ERVH48-1: variants seen among roughly 807,000 people sequenced by gnomAD.
The protein encoded by ERVH48-1 is endogenous retrovirus group 48 member 1, envelope.
ERVH48-1 carries 4 observed loss-of-function variants against 2.4 expected under a neutral mutation model. That is an observed-to-expected ratio of 1.68 (90% CI 0.83 to 3.84). The LOEUF (loss-of-function observed/expected upper bound fraction) is 3.84, where lower values mean the gene tolerates loss of function less well. Ranked by LOEUF, ERVH48-1 falls within the 30% of genes most tolerant of loss-of-function variation. The probability of loss-of-function intolerance (pLI) is 0.01; values close to 1 mark genes in which losing one functional copy is unlikely to be tolerated. For synonymous variants in ERVH48-1, 32 were observed against 15.5 expected (o/e 2.06, Z -2.49); for missense variants, 97 against 43.4 (o/e 2.23, Z -3.47).
At position 42,918,960 on chromosome 21, in the gene ERVH48-1, T is replaced by A. The variant is rs141435072; in HGVS notation, c.47A>T (p.Lys16Ile). The A allele has an allele frequency of 3.0e-5, 25 of 823,816 alleles. 1 individual carries two copies. Among genetic ancestry groups the A allele is most frequent in the African/African-American group, 2.6e-4 (15 of 56,638 alleles). The allele number at this position is 823,816 out of a possible 1,614,324, so 51.0% of individuals were successfully genotyped here. The change falls in exon 2 of 2, where the codon AAA becomes ATA. Residue 16 changes from lysine to isoleucine, a missense_variant. Lys to Ile is a moderately radical substitution (Grantham distance 102, BLOSUM62 -3). Transcript: ENST00000447535. ...PTTFYTSLPT[K>I]SLNMGISLTT... The stretch of plus-strand genomic sequence containing the variant: ...GAGGGATATTCCCATATTAAGACTT[T>A]TGGTTGGAAGAGAGGTATAGAAAGT...
intron 1 of ERVH48-1, 170 bp from the exon 2 acceptor site, chr21:42,919,461 A>G (rs1405451827): frequency 1.3e-5 from 2 of 155,552 alleles, no homozygotes; most frequent in African/African-American, 4.8e-5. Context: ...AAGTTCGGCC[A>G]TACATGATCT....
In ERVH48-1 at chr21:42,917,802, A is replaced by G. The variant is rs2097006; in HGVS notation, c.*722T>C. ...ACCATAGTATTCAATGATCCGTTGC[A>G]GAGGCCACTCGTCCTCTCACAATCT... On this transcript the variant is annotated 3_prime_UTR_variant, in exon 2 of 2. Transcript: ENST00000447535. The G allele has an allele frequency of 0.65, 98,112 of 152,066 alleles. 33,342 individuals carry two copies. The highest frequency in any genetic ancestry group is 0.86 in the African/African-American group (35,466 of 41,460). 9.4% of individuals were successfully genotyped at this position (152,066 alleles called of 1,614,324 possible).
Position 42,918,350 on chromosome 21 carries a change from C to G in ERVH48-1, c.*174G>C. Reference sequence around the variant, plus strand: ...GCATTCCTGAGGAGTGAAAGTGAGTCTGGGGTTTTGGGATGCCTGTAAGTA... The same window carrying G: ...GCATTCCTGAGGAGTGAAAGTGAGTGTGGGGTTTTGGGATGCCTGTAAGTA... On this transcript the variant is annotated 3_prime_UTR_variant, in exon 2 of 2. Coordinates refer to ENST00000447535, the MANE Select transcript of ERVH48-1 (RefSeq NM_001308491.2). 8.3e-6 allele frequency: 3 copies of G among 360,074 alleles called. No homozygotes were observed. Among genetic ancestry groups the G allele is most frequent in the Non-Finnish European group, 1.6e-5 (3 of 184,684 alleles). 22.3% of individuals were successfully genotyped at this position (360,074 alleles called of 1,614,324 possible).
chr21:42,922,998 G>T (rs1021401764), intron 1 of ERVH48-1, among the ~76,000 whole-genome samples: 2 of 152,224 alleles, frequency 1.3e-5, no homozygotes, highest in African/African-American at 2.4e-5. Flanking sequence ...AGTTGCCGGG[G>T]TGTCCGTTCC....
Position 42,921,923 on chromosome 21 carries a change from A to AT in ERVH48-1, c.-285-2633dup, listed in dbSNP as rs2058807181. Among the ~76,000 whole-genome samples, 5 of 152,252 alleles carry AT rather than the reference A, an allele frequency of 3.3e-5. No individual in the cohort carries two copies. The South Asian group carries it at 1.0e-3, about 32-fold the overall frequency. ...AGAAAAATGGGTGGTATTGGAGGGA[A>AT]TTTTGGAAAGTAAAGTGTATGGGTT... On this transcript the variant is annotated intron_variant, in intron 1 of 1. Coordinates refer to ENST00000447535, the MANE Select transcript of ERVH48-1 (RefSeq NM_001308491.2).
Position 42,918,976 on chromosome 21 carries a change from T to C in ERVH48-1, c.31A>G (p.Thr11Ala), listed in dbSNP as rs1413334266. ...TTAAGACTTTTGGTTGGAAGAGAGG[T>C]ATAGAAAGTGGTTGGGTAGATACAG... MACIYPTTFY[T>A]SLPTKSLNMG... The change falls in exon 2 of 2, where the codon ACC becomes GCC. Residue 11 changes from threonine to alanine, a missense_variant. By Grantham distance (58) the Thr-to-Ala change is moderately conservative (BLOSUM62 0). Transcript: ENST00000447535. 3.2e-6 allele frequency: 3 copies of C among 931,170 alleles called. No individual in the cohort carries two copies. The South Asian group carries it at 4.1e-5, about 13-fold the overall frequency. The allele number at this position is 931,170 out of a possible 1,614,324, so 57.7% of individuals were successfully genotyped here. A position where few individuals can be genotyped will look rare whatever the true frequency, so the allele number is the denominator to read the frequency against.
chr21:42,919,100 AAC>A lies in ERVH48-1; in HGVS notation c.-96_-95del. 10 of 1,200,184 alleles carry A rather than the reference AAC, an allele frequency of 8.3e-6. No individual in the cohort carries two copies. The highest frequency in any genetic ancestry group is 9.5e-6 in the Non-Finnish European group (9 of 945,330). 74.3% of individuals were successfully genotyped at this position (1,200,184 alleles called of 1,614,324 possible). A position where few individuals can be genotyped will look rare whatever the true frequency, so the allele number is the denominator to read the frequency against. ...TTGGTAGGAGAAATTGGCCCAGACA[AAC>A]ACTTAGCTGTTAATGTTTTGGAGGA... is the stretch of plus-strand genomic sequence containing the variant. On this transcript the variant is annotated 5_prime_UTR_variant, in exon 2 of 2. Coordinates refer to ENST00000447535, the MANE Select transcript of ERVH48-1 (RefSeq NM_001308491.2).
intron 1 of ERVH48-1, among the ~76,000 whole-genome samples, chr21:42,922,036 A>C (rs2058807451): frequency 6.6e-6 from 1 of 152,148 alleles, no homozygotes. Flanking sequence ...GCTTTTTAAC[A>C]GGTAGAATTG....
intron 1 of ERVH48-1, among the ~76,000 whole-genome samples, chr21:42,924,889 A>G (rs2058816338): frequency 6.6e-6 from 1 of 151,822 alleles, no homozygotes; most frequent in Admixed American, 6.6e-5. Flanking sequence ...AATGGGATCA[A>G]CTGGCTTAGA....
chr21:42,923,029 C>A (rs1469018777), intron 1 of ERVH48-1, among the ~76,000 whole-genome samples: 1 of 152,206 alleles, frequency 6.6e-6, no homozygotes, highest in Non-Finnish European at 1.5e-5. Flanking sequence ...CAGTCTTCAG[C>A]GGCAAGGCCG....
In ERVH48-1 at chr21:42,918,254, G is replaced by A. The variant is rs936760101; in HGVS notation, c.*270C>T. The A allele has an allele frequency of 1.3e-5, 4 of 317,070 alleles. No individual in the cohort carries two copies. The Admixed American group carries it at 1.8e-4, about 15-fold the overall frequency. 19.6% of individuals were successfully genotyped at this position (317,070 alleles called of 1,614,324 possible). ...CGGGTTTTCACCTACGGCGCGATGG[G>A]TTTTATCAGTCCACTTGCGGGATAT... is the stretch of plus-strand genomic sequence containing the variant. On this transcript the variant is annotated 3_prime_UTR_variant, in exon 2 of 2. Transcript: ENST00000447535.
Position 42,916,873 on chromosome 21 carries a change from A to T in ERVH48-1, c.*1651T>A, listed in dbSNP as rs925791117. The T allele has an allele frequency of 1.2e-5, 2 of 167,344 alleles. No individual in the cohort carries two copies. Among genetic ancestry groups the T allele is most frequent in the Non-Finnish European group, 2.5e-5 (2 of 79,048 alleles). 10.4% of individuals were successfully genotyped at this position (167,344 alleles called of 1,614,324 possible). A position where few individuals can be genotyped will look rare whatever the true frequency, so the allele number is the denominator to read the frequency against. On this transcript the variant is annotated 3_prime_UTR_variant, in exon 2 of 2. Coordinates refer to ENST00000447535, the MANE Select transcript of ERVH48-1 (RefSeq NM_001308491.2). ...GAGGCCTAAAATGGCATCAGCCCCA[A>T]GTGAGGATGGGGCAGGGGTTTTATA...
At chr21:42,921,631 G>A (rs375061360) in intron 1 of ERVH48-1, among the ~76,000 whole-genome samples, 4 of 152,096 alleles carry the variant, frequency 2.6e-5, no homozygotes, top group African/African-American at 7.2e-5. Flanking sequence ...AGATCATCAA[G>A]GAGAGTGGAC....
At chr21:42,923,548 G>T (rs148795470) in intron 1 of ERVH48-1, among the ~76,000 whole-genome samples, 8 of 152,218 alleles carry the variant, frequency 5.3e-5, no homozygotes, top group African/African-American at 1.9e-4. Flanking sequence ...AGGAAAAAGG[G>T]CTGGGTTTTC....
intron 1 of ERVH48-1, 24 bp downstream of exon 1, chr21:42,925,322 T>C: frequency 2.5e-6 from 1 of 402,244 alleles, no homozygotes; most frequent in South Asian, 2.3e-5. Context: ...TTTTCCCTGT[T>C]AACCGGGCTC....
At position 42,918,988 on chromosome 21, in the gene ERVH48-1, T is replaced by C; in HGVS notation, c.19A>G (p.Thr7Ala). 2 of 1,071,852 alleles carry C rather than the reference T, an allele frequency of 1.9e-6. No homozygotes were observed. Among genetic ancestry groups the C allele is most frequent in the East Asian group, 6.0e-5 (1 of 16,756 alleles). 66.4% of individuals were successfully genotyped at this position (1,071,852 alleles called of 1,614,324 possible). ...GTTGGAAGAGAGGTATAGAAAGTGG[T>C]TGGGTAGATACAGGCCATTCCTGGA... MACIYPTTFYTSLPTKS... is the reference protein window; with the variant it reads MACIYPATFYTSLPTKS... Residue 7 changes from threonine (T) to alanine (A), a missense_variant, in exon 2 of 2, where the codon ACC becomes GCC. Transcript: ENST00000447535.
At position 42,918,929 on chromosome 21, in the gene ERVH48-1, C is replaced by T. The variant is rs767740316; in HGVS notation, c.78G>A (p.Thr26=). 13 of 579,074 alleles carry T rather than the reference C, an allele frequency of 2.2e-5. No homozygotes were observed. Among genetic ancestry groups the T allele is most frequent in the South Asian group, 1.2e-4 (8 of 66,966 alleles). The allele number at this position is 579,074 out of a possible 1,614,324, so 35.9% of individuals were successfully genotyped here. Residue 26 remains threonine, a synonymous_variant, in exon 2 of 2, where the codon ACG becomes ACA. Coordinates refer to ENST00000447535, the MANE Select transcript of ERVH48-1 (RefSeq NM_001308491.2). ...KSLNMGISLT[T]ILILSVAVLL... is the part of the protein sequence containing the mutation. ...GGACAGCTACTGACAGTATTAGGAT[C>T]GTGGTGAGGGATATTCCCATATTAA...
chr21:42,924,687 A>C (rs1028704935), intron 1 of ERVH48-1, among the ~76,000 whole-genome samples: 3 of 152,120 alleles, frequency 2.0e-5, no homozygotes, highest in African/African-American at 7.2e-5. Flanking sequence ...GCTTAGAGGG[A>C]TATCTCGCCT....
chr21:42,924,815 T>C (rs1010112361), intron 1 of ERVH48-1, among the ~76,000 whole-genome samples: 1 of 152,128 alleles, frequency 6.6e-6, no homozygotes, highest in Admixed American at 6.5e-5. Context: ...AAGCAGACCG[T>C]CCTGGACAGC....
Sources: allele counts gnomAD v4.1 joint callset (sites outside exome capture counted in the v4.1 genomes callset), GRCh38; gene constraint gnomAD v4.1.1; transcripts MANE v1.5; gene names NCBI Gene and HGNC (gene_info 2026-07-23, HGNC 2026-07-21).